BABAM2: variants seen among roughly 807,000 people sequenced by gnomAD.
BABAM2 encodes BRISC and BRCA1-A complex member 2.
A neutral mutation model predicts 54.7 loss-of-function variants in BABAM2; 31 were observed. The observed-to-expected ratio is 0.57, with a 90% CI of 0.43 to 0.77. The LOEUF is 0.77. Among genes scored for constraint, BABAM2 ranks in the 30% least tolerant of loss-of-function variants. BABAM2 has a pLI of 0.00. For missense variants in BABAM2, 364 were observed against 455.8 expected (o/e 0.80, Z 1.83); for synonymous variants, 167 against 162.9 (o/e 1.03, Z -0.19).
intron 2 of BABAM2, among the ~76,000 whole-genome samples, chr2:27,895,435 T>C (rs1159122224): frequency 6.6e-6 from 1 of 152,228 alleles, no homozygotes; most frequent in Non-Finnish European, 1.5e-5. Context: ...TGGGTTTGTC[T>C]AATGTTTTCT....
intron 7 of BABAM2, among the ~76,000 whole-genome samples, chr2:28,181,267 G>C (rs897697407): frequency 2.6e-5 from 4 of 152,130 alleles, no homozygotes; most frequent in African/African-American, 9.7e-5. Context: ...AGAAAATGTG[G>C]TATTTATACA....
At chr2:27,990,057 G>GA (rs1343169092) in intron 4 of BABAM2, among the ~76,000 whole-genome samples, 7 of 152,074 alleles carry the variant, frequency 4.6e-5, no homozygotes, top group African/African-American at 2.4e-5. Flanking sequence ...AAGAATAGCC[G>GA]AAAAAATCAA....
At chr2:28,126,043 G>T (rs903289288) in intron 6 of BABAM2, among the ~76,000 whole-genome samples, 2 of 152,126 alleles carry the variant, frequency 1.3e-5, no homozygotes, top group Admixed American at 6.5e-5. Flanking sequence ...GAAAAGTGGG[G>T]GTGAGAGAGG....
At chr2:28,000,449 A>G (rs992275379) in intron 4 of BABAM2, among the ~76,000 whole-genome samples, 1 of 152,150 alleles carries the variant, frequency 6.6e-6, no homozygotes, top group Non-Finnish European at 1.5e-5. Context: ...TTCATCACAT[A>G]TCAAGTCATA....
intron 7 of BABAM2, among the ~76,000 whole-genome samples, chr2:28,220,425 G>A (rs368407090): frequency 6.6e-6 from 1 of 152,120 alleles, no homozygotes; most frequent in Non-Finnish European, 1.5e-5. Context: ...CTTCTAAATA[G>A]TAGTAGATTT....
At chr2:28,051,076 C>T (rs1677962347) in intron 6 of BABAM2, among the ~76,000 whole-genome samples, 1 of 152,120 alleles carries the variant, frequency 6.6e-6, no homozygotes. Context: ...TTTCCTTGGC[C>T]CCATTCTCTT....
At chr2:28,303,290 T>C (rs547337913) in intron 11 of BABAM2, among the ~76,000 whole-genome samples, 1 of 152,228 alleles carries the variant, frequency 6.6e-6, no homozygotes, top group Non-Finnish European at 1.5e-5. Context: ...GAAGAAATTA[T>C]CCTATGTTTT....
At position 28,183,739 on chromosome 2, in the gene BABAM2, TCACACACA is replaced by T. The variant is rs1286120518; in HGVS notation, c.681-53435_681-53428del. ...ATTTTATGTTACTTTTGGATGAAGA[TCACACACA>T]CACACACACACACACACACACACAC... On this transcript the variant is annotated intron_variant, in intron 7 of 11. Coordinates refer to ENST00000379624, the MANE Select transcript of BABAM2 (RefSeq NM_199191.3). 5.5e-3 allele frequency among the ~76,000 whole-genome samples: 727 copies of T among 133,218 alleles called. 9 individuals carry two copies. Among genetic ancestry groups the T allele is most frequent in the African/African-American group, 0.018 (680 of 37,136 alleles). The allele number at this position is 133,218 out of a possible 152,430, so 87.4% of individuals were successfully genotyped here.
intron 7 of BABAM2, among the ~76,000 whole-genome samples, chr2:28,222,821 C>G (rs965810329): frequency 6.6e-6 from 1 of 152,158 alleles, no homozygotes; most frequent in Admixed American, 6.5e-5. Flanking sequence ...TTAAAGAAAG[C>G]AAACACATCC....
intron 2 of BABAM2, among the ~76,000 whole-genome samples, chr2:27,915,702 A>C (rs1036809797): frequency 6.6e-6 from 1 of 152,180 alleles, no homozygotes; most frequent in Non-Finnish European, 1.5e-5. Context: ...TTTAGAAAGC[A>C]CTTTTCAGTA....
intron 2 of BABAM2, among the ~76,000 whole-genome samples, chr2:27,911,173 A>G (rs1054664510): frequency 2.6e-5 from 4 of 152,120 alleles, no homozygotes; most frequent in Non-Finnish European, 5.9e-5. Context: ...TTCTTTTATA[A>G]ACTACCCAGT....
chr2:28,009,815 C>T (rs746342118), intron 4 of BABAM2, among the ~76,000 whole-genome samples: 4 of 152,084 alleles, frequency 2.6e-5, no homozygotes, highest in Non-Finnish European at 5.9e-5. Flanking sequence ...CATTTTAAGC[C>T]TCCTGGAGAG....
intron 10 of BABAM2, among the ~76,000 whole-genome samples, chr2:28,291,535 G>A (rs770552906): frequency 4.2e-4 from 63 of 151,612 alleles, no homozygotes; most frequent in Non-Finnish European, 2.1e-4. Flanking sequence ...TGGAGGTTGC[G>A]GTGAGCCGAG....
At chr2:28,198,308 T>C (rs1422202863) in intron 7 of BABAM2, among the ~76,000 whole-genome samples, 2 of 151,792 alleles carry the variant, frequency 1.3e-5, no homozygotes, top group African/African-American at 2.4e-5. Flanking sequence ...AGATTACAGG[T>C]GCCCGCAAAA....
intron 6 of BABAM2, among the ~76,000 whole-genome samples, chr2:28,096,971 C>G (rs1666685698): frequency 6.6e-6 from 1 of 152,130 alleles, no homozygotes; most frequent in Non-Finnish European, 1.5e-5. Flanking sequence ...TATCTCCATG[C>G]TTAATCAAGA....
intron 7 of BABAM2, among the ~76,000 whole-genome samples, chr2:28,161,263 G>GCC (rs1357213952): frequency 2.0e-5 from 3 of 152,120 alleles, no homozygotes; most frequent in Non-Finnish European, 4.4e-5. Flanking sequence ...GTTTTGAGTT[G>GCC]CTTGTACCAA....
chr2:27,889,521 T>C (rs1664656886), upstream of BABAM2, among the ~76,000 whole-genome samples: 2 of 152,182 alleles, frequency 1.3e-5, no homozygotes, highest in Admixed American at 6.5e-5. Flanking sequence ...TCAGAAAAGC[T>C]ACCTTAATTT....
At chr2:28,241,502 C>CA (rs879031870) in intron 9 of BABAM2, 109 bp downstream of exon 9, 26 of 813,118 alleles carry the variant, frequency 3.2e-5, no homozygotes, top group Non-Finnish European at 4.7e-5. Context: ...CACATGATAC[C>CA]TTTTTTTTTT....
rs368747047 is a variant in BABAM2 at position 27,893,943 on chromosome 2, G to A, written c.-24-590G>A. ...CGGGAGGTGGAGTTTGCAGTGAGCC[G>A]AGATTGCGCCACTGCACTCCAGCCT... On this transcript the variant is annotated intron_variant, in intron 1 of 11. Coordinates refer to ENST00000379624, the MANE Select transcript of BABAM2 (RefSeq NM_199191.3). Among the ~76,000 whole-genome samples, 14 of 146,482 alleles carry A rather than the reference G, an allele frequency of 9.6e-5. No individual in the cohort carries two copies. The East Asian group carries it at 2.8e-3, about 29-fold the overall frequency.
Sources: allele counts gnomAD v4.1 joint callset (sites outside exome capture counted in the v4.1 genomes callset), GRCh38; gene constraint gnomAD v4.1.1; transcripts MANE v1.5; gene names NCBI Gene and HGNC (gene_info 2026-07-23, HGNC 2026-07-21).